Variants in CFAP251 observed in about 807,000 individuals in gnomAD.
CFAP251 encodes the protein cilia- and flagella-associated protein 251.
A neutral mutation model predicts 126.7 loss-of-function variants in CFAP251; 93 were observed. The observed-to-expected ratio is 0.73, with a 90% CI of 0.62 to 0.87. The LOEUF is 0.87. Ranked by LOEUF, CFAP251 falls within the 40% of genes least tolerant of loss-of-function variation. The pLI, the probability that CFAP251 is intolerant of heterozygous loss-of-function variation, is 0.00. For synonymous variants in CFAP251, 503 were observed against 506.9 expected (o/e 0.99, Z 0.10); for missense variants, 1,287 against 1,389.2 (o/e 0.93, Z 1.17).
intron 7 of CFAP251, among the ~76,000 whole-genome samples, chr12:121,943,573 C>T (rs1881210614): frequency 6.6e-6 from 1 of 152,002 alleles, no homozygotes. Context: ...CAGGCACGTG[C>T]CACCACGCCT....
chr12:121,928,629 T>C (rs1427900330), intron 3 of CFAP251, among the ~76,000 whole-genome samples: 1 of 23,774 alleles, frequency 4.2e-5, no homozygotes, highest in Non-Finnish European at 6.6e-5. Context: ...TATATGTGTA[T>C]ATATATACGT....
chr12:121,929,478 A>G (rs1170306950), intron 3 of CFAP251, among the ~76,000 whole-genome samples: 3 of 152,040 alleles, frequency 2.0e-5, no homozygotes, highest in African/African-American at 4.8e-5. Flanking sequence ...TGATGAGCCA[A>G]TACTGGTACC....
In CFAP251 at chr12:121,989,947, C is replaced by T. The variant is rs184302966; in HGVS notation, c.3007-9769C>T. On this transcript the variant is annotated intron_variant, in intron 19 of 21. Coordinates refer to ENST00000288912, the MANE Select transcript of CFAP251 (RefSeq NM_144668.6). The surrounding 1 kb of genome is among the most constrained non-coding windows in gnomAD (Gnocchi z 4.2). Reference sequence around the variant, plus strand: ...CAGGGATCACAGACCCAAAGGCCTGCGTCATCAATGACAGAGGCAGAAATA... The same window carrying T: ...CAGGGATCACAGACCCAAAGGCCTGTGTCATCAATGACAGAGGCAGAAATA... 7.4e-4 allele frequency among the ~76,000 whole-genome samples: 113 copies of T among 152,234 alleles called. No homozygotes were observed. Among genetic ancestry groups the T allele is most frequent in the Admixed American group, 1.4e-3 (21 of 15,292 alleles).
At chr12:121,977,220 T>C (rs533063193) in intron 19 of CFAP251, among the ~76,000 whole-genome samples, 4 of 152,328 alleles carry the variant, frequency 2.6e-5, no homozygotes, top group East Asian at 1.9e-4. Context: ...AACACAGTGG[T>C]ATTTGTGTAT....
intron 13 of CFAP251, 140 bp from the exon 14 acceptor site, chr12:121,960,445 C>G: frequency 1.2e-6 from 1 of 805,266 alleles, no homozygotes; most frequent in Non-Finnish European, 2.0e-6. Flanking sequence ...CTCAAACTCC[C>G]GACCTCAGGT....
chr12:121,938,964 G>A (rs952544411), intron 5 of CFAP251, among the ~76,000 whole-genome samples: 1 of 151,094 alleles, frequency 6.6e-6, no homozygotes, highest in Non-Finnish European at 1.5e-5. Flanking sequence ...TCCAATCTGG[G>A]CGACAGAGCG....
At chr12:121,999,220 T>G (rs1883094484) in intron 19 of CFAP251, 1 of 153,214 alleles carries the variant, frequency 6.5e-6, no homozygotes, top group Admixed American at 6.5e-5. Context: ...CAACCTTGCA[T>G]TCTTGGGATA....
intron 15 of CFAP251, among the ~76,000 whole-genome samples, chr12:121,966,379 G>A (rs2135790830): frequency 7.1e-6 from 1 of 141,436 alleles, no homozygotes; most frequent in Admixed American, 7.4e-5. Context: ...TCATGCCTCA[G>A]CCTCCTGAGT....
At chr12:121,962,299 T>A (rs1881967365) in intron 15 of CFAP251, 137 bp downstream of exon 15, 6 of 756,878 alleles carry the variant, frequency 7.9e-6, no homozygotes, top group Non-Finnish European at 1.3e-5. Flanking sequence ...AGGAGGAGAC[T>A]GAGGCACAGA....
At chr12:121,987,045 T>C (rs1882766081) in intron 19 of CFAP251, among the ~76,000 whole-genome samples, 1 of 152,004 alleles carries the variant, frequency 6.6e-6, no homozygotes, top group South Asian at 2.1e-4. Context: ...GGGATGGAGG[T>C]CTGTAGCCAA....
intron 3 of CFAP251, among the ~76,000 whole-genome samples, chr12:121,928,998 G>A (rs1305234223): frequency 6.6e-6 from 1 of 151,834 alleles, no homozygotes; most frequent in Admixed American, 6.6e-5. Flanking sequence ...CACCCTGCCT[G>A]GATTTTATTT....
chr12:121,975,564 A>G lies in CFAP251; in HGVS notation c.2885A>G (p.Tyr962Cys), dbSNP rs1480357025. 1 of 1,608,438 alleles carries G rather than the reference A, an allele frequency of 6.2e-7. No homozygotes were observed. Among genetic ancestry groups the G allele is most frequent in the Non-Finnish European group, 8.5e-7 (1 of 1,178,662 alleles). The change falls in exon 19 of 22, where the codon TAT (tyrosine) becomes TGT (cysteine). Residue 962 changes from tyrosine to cysteine, a missense_variant. Coordinates refer to ENST00000288912, the MANE Select transcript of CFAP251 (RefSeq NM_144668.6). ...FYRELEDYFYYSQLRSQGIDT... is the reference protein window; with the variant it reads ...FYRELEDYFYCSQLRSQGIDT... The stretch of plus-strand genomic sequence containing the variant: ...TAGGAGCTAGAAGACTACTTCTACT[A>G]TTCTCAGCTCCGCAGTCAAGGCATC...
intron 5 of CFAP251, among the ~76,000 whole-genome samples, chr12:121,937,441 T>C (rs1282145703): frequency 6.6e-6 from 1 of 152,162 alleles, no homozygotes; most frequent in Non-Finnish European, 1.5e-5. Context: ...TATTCTGAGG[T>C]TCTGGGTGGG....
At chr12:121,971,572 A>G (rs557663177) in intron 17 of CFAP251, 4 of 702,930 alleles carry the variant, frequency 5.7e-6, no homozygotes, top group Non-Finnish European at 1.0e-5. Flanking sequence ...CCTGGGAGCC[A>G]GGCACCAATA....
At chr12:121,985,778 G>T (rs1882732188) in intron 19 of CFAP251, among the ~76,000 whole-genome samples, 1 of 151,988 alleles carries the variant, frequency 6.6e-6, no homozygotes, top group Admixed American at 6.6e-5. Context: ...GACAATTGTT[G>T]TCACATAGTC....
chr12:122,001,364 T>A (rs1883144854), intron 20 of CFAP251, 133 bp from the exon 21 acceptor site: 1 of 851,016 alleles, frequency 1.2e-6, no homozygotes, highest in East Asian at 2.6e-5. Context: ...CCTAAATTTT[T>A]TTTTCAATTG....
intron 7 of CFAP251, among the ~76,000 whole-genome samples, chr12:121,945,242 G>T (rs186319464): frequency 1.3e-5 from 2 of 152,254 alleles, no homozygotes; most frequent in African/African-American, 4.8e-5. Flanking sequence ...TATCTGGCCC[G>T]CTGGTCTCTC....
chr12:121,923,765 T>C lies in CFAP251; in HGVS notation c.522T>C (p.Pro174=), dbSNP rs1456103235. 1.9e-6 allele frequency: 3 copies of C among 1,614,028 alleles called. No homozygotes were observed. The highest frequency in any genetic ancestry group is 2.5e-6 in the Non-Finnish European group (3 of 1,180,048). The stretch of plus-strand genomic sequence containing the variant: ...CTGAGGAACAACAGATTAGTTCCCC[T>C]GAAAGGCAGCCCTCAGGAGAGCTTG... The part of the protein sequence containing the change: ...ISPEEQQISS[P]ERQPSGELEE... Residue 174 remains proline, a synonymous_variant, in exon 3 of 22, where the codon CCT becomes CCC. Transcript: ENST00000288912.
chr12:121,970,264 C>T (rs964992123), intron 17 of CFAP251, among the ~76,000 whole-genome samples: 17 of 152,166 alleles, frequency 1.1e-4, no homozygotes, highest in African/African-American at 4.1e-4. Context: ...TGCACCCTTT[C>T]TCTTCTCCTT....
Sources: allele counts gnomAD v4.1 joint callset (sites outside exome capture counted in the v4.1 genomes callset), GRCh38; gene constraint gnomAD v4.1.1; non-coding constraint Gnocchi (gnomAD v3.1); transcripts MANE v1.5; gene names NCBI Gene and HGNC (gene_info 2026-07-23, HGNC 2026-07-21).